Variants in ADCY2 observed in about 807,000 individuals in gnomAD.
ADCY2 encodes the protein adenylate cyclase type 2.
In ADCY2, 31 loss-of-function variants were observed where a neutral mutation model predicts 125.2. That is an observed-to-expected ratio of 0.25 (90% CI 0.19 to 0.33). ADCY2 has a LOEUF of 0.33. Among genes scored for constraint, ADCY2 ranks in the 10% least tolerant of loss-of-function variants. The pLI, the probability that ADCY2 is intolerant of heterozygous loss-of-function variation, is 1.00. For synonymous variants in ADCY2, 512 were observed against 548.4 expected (o/e 0.93, Z 0.93); for missense variants, 904 against 1,418.2 (o/e 0.64, Z 5.82).
intron 2 of ADCY2, among the ~76,000 whole-genome samples, chr5:7,435,625 C>T (rs1488461165): frequency 6.6e-6 from 1 of 152,158 alleles, no homozygotes; most frequent in Non-Finnish European, 1.5e-5. Flanking sequence ...AATCATGGCC[C>T]TGAGAGTAGT....
chr5:7,693,413 GTTTTTT>G (rs70940751), intron 5 of ADCY2, among the ~76,000 whole-genome samples: 5 of 32,412 alleles, frequency 1.5e-4, no homozygotes, highest in Non-Finnish European at 2.4e-4. Context: ...GCTGTTTTTT[GTTTTTT>G]TTTTTTTTTT....
At chr5:7,509,737 C>G (rs1454913656) in intron 2 of ADCY2, among the ~76,000 whole-genome samples, 1 of 152,126 alleles carries the variant, frequency 6.6e-6, no homozygotes, top group Non-Finnish European at 1.5e-5. Context: ...TTTTCACATT[C>G]TATAGAGTTG....
intron 1 of ADCY2, among the ~76,000 whole-genome samples, chr5:7,413,826 C>G (rs185733790): frequency 6.6e-6 from 1 of 151,936 alleles, no homozygotes; most frequent in East Asian, 1.9e-4. Context: ...AATAGTGGGT[C>G]TTTGTCATGT....
At chr5:7,545,911 C>T (rs575597476) in intron 3 of ADCY2, among the ~76,000 whole-genome samples, 7 of 152,248 alleles carry the variant, frequency 4.6e-5, no homozygotes, top group Admixed American at 6.5e-5. Context: ...AAGTTGTCTG[C>T]GCTGGGTGTG....
At chr5:7,653,802 T>C (rs568534454) in intron 4 of ADCY2, among the ~76,000 whole-genome samples, 118 of 152,296 alleles carry the variant, frequency 7.7e-4, no homozygotes, top group Non-Finnish European at 1.4e-3. Context: ...ACACTTTTTT[T>C]CCCATGTTTT....
intron 2 of ADCY2, among the ~76,000 whole-genome samples, chr5:7,436,158 A>T (rs1420994596): frequency 1.3e-5 from 2 of 152,212 alleles, no homozygotes; most frequent in African/African-American, 4.8e-5. Flanking sequence ...CACATAAAAC[A>T]AGGTTCTGCA....
At chr5:7,561,381 A>G (rs548821024) in intron 3 of ADCY2, among the ~76,000 whole-genome samples, 209 of 152,348 alleles carry the variant, frequency 1.4e-3, no homozygotes, top group African/African-American at 4.9e-3. Context: ...CTATAAACAT[A>G]TGCAGCATGT....
In ADCY2 at chr5:7,697,174, G is replaced by A. The variant is rs566612228; in HGVS notation, c.982-1073G>A. ...CTTAACTAATTAAATCTGCAGGAGC[G>A]CTATTGCCAAATAGGTTCACATTCA... On this transcript the variant is annotated intron_variant, in intron 6 of 24. Coordinates refer to ENST00000338316, the MANE Select transcript of ADCY2 (RefSeq NM_020546.3). Among the ~76,000 whole-genome samples the A allele has an allele frequency of 4.0e-4, 61 of 151,964 alleles. No homozygotes were observed. In the South Asian group the frequency reaches 5.8e-3, roughly 15 times the overall value.
At position 7,414,705 on chromosome 5, in the gene ADCY2, A is replaced by C; in HGVS notation, c.343A>C (p.Ile115Leu). 6.2e-7 allele frequency: 1 copy of C among 1,613,938 alleles called. No individual in the cohort carries two copies. Among genetic ancestry groups the C allele is most frequent in the Non-Finnish European group, 8.5e-7 (1 of 1,179,964 alleles). The change falls in exon 2 of 25, where the codon ATA (isoleucine) becomes CTA (leucine). Residue 115 changes from isoleucine (I) to leucine (L), a missense_variant. Ile to Leu is a conservative substitution (Grantham distance 5). Transcript: ENST00000338316. ...GCGCCTCTTCTCGTTGGTGATATGG[A>C]TATGCCTTGTTGCCATGGGATACCT... The part of the protein sequence containing the change: ...LLRLFSLVIW[I>L]CLVAMGYLFM...
chr5:7,568,512 A>G (rs914863365), intron 3 of ADCY2, among the ~76,000 whole-genome samples: 1 of 151,776 alleles, frequency 6.6e-6, no homozygotes, highest in Non-Finnish European at 1.5e-5. Context: ...GAGGTGTTCC[A>G]TAGTTTAATG....
chr5:7,666,460 G>A (rs1008762715), intron 4 of ADCY2, among the ~76,000 whole-genome samples: 2 of 151,720 alleles, frequency 1.3e-5, no homozygotes, highest in African/African-American at 4.8e-5. Context: ...AGTAGAGATG[G>A]GGTTTCACCG....
chr5:7,668,361 G>T (rs1561156194), intron 4 of ADCY2, among the ~76,000 whole-genome samples: 2 of 152,176 alleles, frequency 1.3e-5, no homozygotes, highest in African/African-American at 4.8e-5. Flanking sequence ...CTGCTCATCT[G>T]CCCTGTGGAA....
At chr5:7,443,795 G>A (rs1378536509) in intron 2 of ADCY2, among the ~76,000 whole-genome samples, 4 of 151,848 alleles carry the variant, frequency 2.6e-5, no homozygotes, top group Admixed American at 6.6e-5. Context: ...TCCATTCTAA[G>A]GATGCATTTC....
At chr5:7,672,041 C>A (rs1046221396) in intron 4 of ADCY2, among the ~76,000 whole-genome samples, 1 of 152,086 alleles carries the variant, frequency 6.6e-6, no homozygotes, top group Non-Finnish European at 1.5e-5. Flanking sequence ...AGCAAGCAGT[C>A]ACCTAAATTC....
intron 3 of ADCY2, among the ~76,000 whole-genome samples, chr5:7,613,344 T>C (rs1224037508): frequency 6.6e-6 from 1 of 152,084 alleles, no homozygotes; most frequent in Non-Finnish European, 1.5e-5. Context: ...GGGGCAGTTA[T>C]CACCTAATGA....
chr5:7,779,963 G>A (rs1201286570), intron 18 of ADCY2, among the ~76,000 whole-genome samples: 1 of 152,138 alleles, frequency 6.6e-6, no homozygotes, highest in Non-Finnish European at 1.5e-5. Context: ...CTAAGCTGTT[G>A]ATCCCATACT....
intron 2 of ADCY2, among the ~76,000 whole-genome samples, chr5:7,507,461 A>AAAAAAAAAAG (rs374187517): frequency 2.6e-5 from 3 of 114,074 alleles, no homozygotes; most frequent in African/African-American, 6.7e-5. Context: ...AAAAAAAAAA[A>AAAAAAAAAAG]GGTAACAAAG....
At chr5:7,707,675 T>C in intron 8 of ADCY2, 31 bp from the exon 9 acceptor site, 1 of 1,610,842 alleles carries the variant, frequency 6.2e-7, no homozygotes, top group Non-Finnish European at 8.5e-7. Context: ...TCCTTTTATG[T>C]CTTGACTGTG....
chr5:7,745,629 G>A (rs1363824544), intron 15 of ADCY2, among the ~76,000 whole-genome samples: 1 of 152,140 alleles, frequency 6.6e-6, no homozygotes, highest in Admixed American at 6.5e-5. Context: ...AAGGCACACA[G>A]GCTCCCCTGC....
Sources: gnomAD v4.1 joint callset for allele counts (sites outside exome capture counted in the v4.1 genomes callset) on GRCh38, gnomAD v4.1.1 for gene constraint, MANE v1.5 for transcripts, NCBI Gene and HGNC (gene_info 2026-07-23, HGNC 2026-07-21) for gene names.